LUZP2: variants seen among roughly 807,000 people sequenced by gnomAD.
LUZP2 encodes the protein leucine zipper protein 2.
In LUZP2, 52 loss-of-function variants were observed where a neutral mutation model predicts 51.6. The observed-to-expected ratio is 1.01, with a 90% CI of 0.81 to 1.27. The LOEUF (loss-of-function observed/expected upper bound fraction) is 1.27. Among genes scored for constraint, LUZP2 ranks in the 50% most tolerant of loss-of-function variants. The pLI, the probability that LUZP2 is intolerant of heterozygous loss-of-function variation, is 0.00. For missense variants in LUZP2, 436 were observed against 395.4 expected (o/e 1.10, Z -0.87); for synonymous variants, 154 against 137.3 (o/e 1.12, Z -0.85).
At chr11:24,971,702 C>G (rs1855741302) in intron 7 of LUZP2, among the ~76,000 whole-genome samples, 1 of 152,086 alleles carries the variant, frequency 6.6e-6, no homozygotes, top group Admixed American at 6.6e-5. Flanking sequence ...GTACCTAATC[C>G]TTTCCAAACT....
At chr11:24,506,335 G>C (rs1850144943) in intron 1 of LUZP2, among the ~76,000 whole-genome samples, 1 of 151,984 alleles carries the variant, frequency 6.6e-6, no homozygotes, top group Non-Finnish European at 1.5e-5. Context: ...TAAGCATTGG[G>C]CAGGAAAAGG....
intron 1 of LUZP2, among the ~76,000 whole-genome samples, chr11:24,586,071 A>G (rs10767216): frequency 0.53 from 80,709 of 151,752 alleles, 21,976 homozygotes; most frequent in African/African-American, 0.63. Context: ...TTTCTTTCTC[A>G]ATTACCATTT....
At chr11:24,562,699 CA>C (rs10692762) in intron 1 of LUZP2, among the ~76,000 whole-genome samples, 12,403 of 138,686 alleles carry the variant, frequency 0.089, 688 homozygotes, top group Admixed American at 0.12. Context: ...TGAAAAAATA[CA>C]AAAAAAAAAA....
chr11:24,713,683 G>GGT (rs1857926291), intron 1 of LUZP2, among the ~76,000 whole-genome samples: 1 of 89,690 alleles, frequency 1.1e-5, no homozygotes, highest in Non-Finnish European at 2.0e-5. Flanking sequence ...GTGAGAATCT[G>GGT]TTTTTTTTTT....
rs551673662 is a variant in LUZP2, at chr11:24,714,124, G to A, written c.63-15045G>A. Among the ~76,000 whole-genome samples, 27 of 152,070 alleles carry A rather than the reference G, an allele frequency of 1.8e-4. 1 individual carries two copies. In the South Asian group the frequency reaches 5.6e-3, roughly 32 times the overall value. ...TTTTATATTATAATGATGATTTAAA[G>A]TATATAAGACATATGTTGGGGGTAG... On this transcript the variant is annotated intron_variant, in intron 1 of 11. Transcript: ENST00000336930.
chr11:24,546,930 T>C (rs1851563363), intron 1 of LUZP2, among the ~76,000 whole-genome samples: 1 of 151,846 alleles, frequency 6.6e-6, no homozygotes, highest in Non-Finnish European at 1.5e-5. Context: ...TTGTTTTGTT[T>C]TGTGTGTGTT....
intron 1 of LUZP2, among the ~76,000 whole-genome samples, chr11:24,636,545 T>C (rs1005818972): frequency 6.6e-6 from 1 of 152,138 alleles, no homozygotes; most frequent in African/African-American, 2.4e-5. Context: ...TGTGATAATA[T>C]ATGTTAAGTA....
chr11:24,852,255 T>A lies in LUZP2; in HGVS notation c.397-53736T>A, dbSNP rs148905672. Among the ~76,000 whole-genome samples, 28 of 152,342 alleles carry A rather than the reference T, an allele frequency of 1.8e-4. No individual in the cohort carries two copies. In the East Asian group the frequency reaches 4.8e-3, roughly 26 times the overall value. Reference sequence around the variant, plus strand: ...CCTGTGGGCATTTAGTGATATAAATTTCCCTCTAAACACTGCTTTAGCTGT... The same window carrying A: ...CCTGTGGGCATTTAGTGATATAAATATCCCTCTAAACACTGCTTTAGCTGT... On this transcript the variant is annotated intron_variant, in intron 5 of 11. Transcript: ENST00000336930.
At chr11:24,704,290 A>AATTAAGCAATTTTGCTAAAAATT (rs1857504518) in intron 1 of LUZP2, among the ~76,000 whole-genome samples, 1 of 152,176 alleles carries the variant, frequency 6.6e-6, no homozygotes, top group Non-Finnish European at 1.5e-5. Context: ...GCTAAAAATT[A>AATTAAGCAATTTTGCTAAAAATT]GCTTAATAAT....
At chr11:24,574,211 C>CTTTCTTTCTTTCTTT (rs1852538818) in intron 1 of LUZP2, among the ~76,000 whole-genome samples, 1 of 6,056 alleles carries the variant, frequency 1.7e-4, no homozygotes, top group African/African-American at 2.0e-4. Context: ...TTTCTTCCTT[C>CTTTCTTTCTTTCTTT]CTTTCTTTCT....
intron 1 of LUZP2, among the ~76,000 whole-genome samples, chr11:24,641,373 A>C (rs976011154): frequency 6.6e-6 from 1 of 151,912 alleles, no homozygotes; most frequent in African/African-American, 2.4e-5. Context: ...CCATCTTTGC[A>C]TAGAGACACA....
At chr11:24,527,159 A>G (rs140138603) in intron 1 of LUZP2, among the ~76,000 whole-genome samples, 188 of 151,516 alleles carry the variant, frequency 1.2e-3, no homozygotes, top group African/African-American at 4.4e-3. Context: ...CCATTCAGAT[A>G]GGCTTTTAGC....
At chr11:24,843,414 A>C (rs1387411018) in intron 5 of LUZP2, among the ~76,000 whole-genome samples, 16 of 152,184 alleles carry the variant, frequency 1.1e-4, no homozygotes, top group Admixed American at 1.0e-3. Context: ...CAGTAATAGA[A>C]GTGAAAATGA....
At chr11:24,506,806 A>G (rs1850158806) in intron 1 of LUZP2, among the ~76,000 whole-genome samples, 1 of 152,018 alleles carries the variant, frequency 6.6e-6, no homozygotes, top group African/African-American at 2.4e-5. Context: ...TCCCCCAGCT[A>G]AAAATTGGCC....
Position 25,079,577 on chromosome 11 carries a change from A to T in LUZP2, c.*919A>T, listed in dbSNP as rs1158061369. On this transcript the variant is annotated 3_prime_UTR_variant, in exon 12 of 12. Coordinates refer to ENST00000336930, the MANE Select transcript of LUZP2 (RefSeq NM_001009909.4). ...TTGAAAACCAATGTGTTATTGAAAC[A>T]AATCAATGGCAGTGTTAATCCATAA... is the stretch of plus-strand genomic sequence containing the variant. 1 of 152,184 alleles carries T rather than the reference A, an allele frequency of 6.6e-6. No individual in the cohort carries two copies. The highest frequency in any genetic ancestry group is 1.9e-4 in the East Asian group (1 of 5,196). The allele number at this position is 152,184 out of a possible 1,614,324, so 9.4% of individuals were successfully genotyped here. A position where few individuals can be genotyped will look rare whatever the true frequency, so the allele number is the denominator to read the frequency against.
chr11:24,518,615 G>T (rs1850550492), intron 1 of LUZP2, among the ~76,000 whole-genome samples: 1 of 152,190 alleles, frequency 6.6e-6, no homozygotes, highest in Non-Finnish European at 1.5e-5. Flanking sequence ...GAAGATGATA[G>T]TGGGTTTTTA....
intron 7 of LUZP2, among the ~76,000 whole-genome samples, chr11:24,966,871 T>C (rs1487704088): frequency 1.4e-5 from 2 of 147,720 alleles, no homozygotes; most frequent in East Asian, 1.9e-4. Context: ...ATAATGTGTG[T>C]GCATGTGTAA....
At chr11:25,037,643 AG>A (rs1372113832) in intron 9 of LUZP2, among the ~76,000 whole-genome samples, 2 of 152,138 alleles carry the variant, frequency 1.3e-5, no homozygotes, top group Non-Finnish European at 2.9e-5. Context: ...ACCTCTGATA[AG>A]GCCAGTCTGG....
At chr11:24,499,671 G>A (rs1334527162) in intron 1 of LUZP2, among the ~76,000 whole-genome samples, 1 of 152,148 alleles carries the variant, frequency 6.6e-6, no homozygotes, top group Non-Finnish European at 1.5e-5. Context: ...GGTGGTAATT[G>A]CTAGTTTTTC....
Sources: gnomAD v4.1 joint callset for allele counts (sites outside exome capture counted in the v4.1 genomes callset) on GRCh38, gnomAD v4.1.1 for gene constraint, MANE v1.5 for transcripts, NCBI Gene and HGNC (gene_info 2026-07-23, HGNC 2026-07-21) for gene names.